PRELID3A: variants seen among roughly 807,000 people sequenced by gnomAD.
The protein encoded by PRELID3A is PRELI domain containing 3A, also known as PRELI domain containing protein 3A.
In PRELID3A, 27 loss-of-function variants were observed where a neutral mutation model predicts 23.0. The ratio of observed to expected loss-of-function variants is 1.17; its 90% CI spans 0.87 to 1.62. The LOEUF is 1.62. PRELID3A is among the 40% of genes most tolerant of loss of function. The pLI, the probability that PRELID3A is intolerant of heterozygous loss-of-function variation, is 0.00. For synonymous variants in PRELID3A, 87 were observed against 86.4 expected (o/e 1.01, Z -0.04); for missense variants, 231 against 231.4 (o/e 1.00, Z 0.01).
chr18:12,427,428 G>T (rs927569791), intron 5 of PRELID3A, 105 bp downstream of exon 5: 28 of 910,288 alleles, frequency 3.1e-5, no homozygotes, highest in Non-Finnish European at 4.8e-5. Context: ...TGGGCATGGT[G>T]GCTCATGTCT....
At chr18:12,416,685 G>A (rs1198612644) in intron 1 of PRELID3A, among the ~76,000 whole-genome samples, 3 of 140,826 alleles carry the variant, frequency 2.1e-5, no homozygotes, top group African/African-American at 5.3e-5. Flanking sequence ...TCACTCTGTT[G>A]CCCAGGGTGG....
Position 12,427,069 on chromosome 18 carries a change from A to T in PRELID3A, c.320A>T (p.Asn107Ile). The T allele has an allele frequency of 6.2e-7, 1 of 1,613,486 alleles. No homozygotes were observed. Among genetic ancestry groups the T allele is most frequent in the Non-Finnish European group, 8.5e-7 (1 of 1,179,386 alleles). ...ACACTCACAAATTTGGTGTCAGTTA[A>T]TGAGAGGTTGGTGTACACACCTCAT... is the stretch of plus-strand genomic sequence containing the variant. ...NITLTNLVSV[N>I]ERLVYTPHPE... Residue 107 changes from asparagine to isoleucine, a missense_variant, in exon 4 of 7, where the codon AAT (asparagine) becomes ATT (isoleucine). Physicochemically the swap from Asn to Ile is moderately radical, Grantham distance 149. Coordinates refer to ENST00000440960, the MANE Select transcript of PRELID3A (RefSeq NM_001142405.2).
Position 12,418,070 on chromosome 18 carries a change from GGTAAA to G in PRELID3A, c.33-2249_33-2245del, listed in dbSNP as rs1173316704. 2.0e-5 allele frequency among the ~76,000 whole-genome samples: 3 copies of G among 152,050 alleles called. No individual in the cohort carries two copies. The East Asian group carries it at 5.8e-4, about 29-fold the overall frequency. On this transcript the variant is annotated intron_variant, in intron 1 of 6. Transcript: ENST00000440960. Reference sequence around the variant, plus strand: ...ACCTAGGACAAGAGTGTTTGATGAGGGTAAAGTAAATTACTGATCACTCTGTTATA... The same window carrying G: ...ACCTAGGACAAGAGTGTTTGATGAGGGTAAATTACTGATCACTCTGTTATA...
Position 12,431,331 on chromosome 18 carries a change from A to C in PRELID3A, c.*215A>C, listed in dbSNP as rs902037504. 6 of 152,438 alleles carry C rather than the reference A, an allele frequency of 3.9e-5. No homozygotes were observed. Among genetic ancestry groups the C allele is most frequent in the Admixed American group, 6.5e-5 (1 of 15,270 alleles). The allele number at this position is 152,438 out of a possible 1,614,324, so 9.4% of individuals were successfully genotyped here. On this transcript the variant is annotated 3_prime_UTR_variant, in exon 7 of 7. Transcript: ENST00000440960. ...CCCTCATGAGCGTGCAACAGGGAGC[A>C]GCCCCAGCCAGCCCCACCGCCGCCG...
chr18:12,429,565 T>C, intron 6 of PRELID3A, 129 bp downstream of exon 6: 1 of 585,536 alleles, frequency 1.7e-6, no homozygotes, highest in Admixed American at 3.0e-5. Flanking sequence ...AGCTCCTTAG[T>C]TTTCCACGGT....
rs1462797411 is a variant in PRELID3A, at chr18:12,420,379, G to GAACCCGATT, written c.94_95insTTAACCCGA (p.Pro31_Ser32insIleAsnPro). The GAACCCGATT allele has an allele frequency of 6.2e-6, 10 of 1,611,170 alleles. No individual in the cohort carries two copies. Among genetic ancestry groups the GAACCCGATT allele is most frequent in the Non-Finnish European group, 8.5e-6 (10 of 1,179,268 alleles). Reference sequence around the variant, plus strand: ...CCATGCGCAAGTACCCGAACCCGATGAACCCGAGCGTGCTGGGCGTGGATG... The same window carrying GAACCCGATT: ...CCATGCGCAAGTACCCGAACCCGATGAACCCGATTAACCCGAGCGTGCTGGGCGTGGATG... On this transcript the variant is annotated inframe_insertion, in exon 2 of 7. Coordinates refer to ENST00000440960, the MANE Select transcript of PRELID3A (RefSeq NM_001142405.2).
At chr18:12,408,813 C>T (rs1909813077) in intron 1 of PRELID3A, among the ~76,000 whole-genome samples, 1 of 152,168 alleles carries the variant, frequency 6.6e-6, no homozygotes, top group Non-Finnish European at 1.5e-5. Context: ...AAGACACCTT[C>T]CCGGGTAATG....
intron 5 of PRELID3A, among the ~76,000 whole-genome samples, chr18:12,429,107 G>T (rs1199464487): frequency 1.3e-5 from 2 of 152,176 alleles, no homozygotes; most frequent in Non-Finnish European, 2.9e-5. Flanking sequence ...AGGACTTGCT[G>T]TATTGAGCTA....
intron 5 of PRELID3A, among the ~76,000 whole-genome samples, chr18:12,428,954 G>A (rs1341230915): frequency 1.3e-5 from 2 of 152,170 alleles, no homozygotes; most frequent in African/African-American, 4.8e-5. Flanking sequence ...TCACTAAGGT[G>A]GGGAGAGGTG....
Position 12,407,940 on chromosome 18 carries a change from C to T in PRELID3A, c.-36C>T, listed in dbSNP as rs533904456. The T allele has an allele frequency of 1.5e-4, 191 of 1,289,420 alleles. 5 individuals carry two copies. In the East Asian group the frequency reaches 2.2e-3, roughly 15 times the overall value. The allele number at this position is 1,289,420 out of a possible 1,614,324, so 79.9% of individuals were successfully genotyped here. On this transcript the variant is annotated 5_prime_UTR_variant, in exon 1 of 7. Transcript: ENST00000440960. ...GAGCCGCGCGGCCCGAAGCACCCGG[C>T]CCGGATCGCAGAGCCCGCGCCCTGC...
At chr18:12,421,126 TG>T (rs1414660581) in intron 2 of PRELID3A, among the ~76,000 whole-genome samples, 4 of 152,074 alleles carry the variant, frequency 2.6e-5, no homozygotes, top group Non-Finnish European at 5.9e-5. Flanking sequence ...GTCCACACCC[TG>T]GCCTGGCGCA....
At chr18:12,416,773 G>A (rs2029970578) in intron 1 of PRELID3A, among the ~76,000 whole-genome samples, 1 of 151,716 alleles carries the variant, frequency 6.6e-6, no homozygotes, top group Non-Finnish European at 1.5e-5. Flanking sequence ...AGCCTCCCGA[G>A]TAGCTGGGAC....
At chr18:12,414,120 C>T (rs556775546) in intron 1 of PRELID3A, among the ~76,000 whole-genome samples, 4 of 152,068 alleles carry the variant, frequency 2.6e-5, no homozygotes, top group Admixed American at 1.3e-4. Context: ...GAACAAGTGC[C>T]GGCGCCCCCC....
At chr18:12,414,124 G>GC (rs759974155) in intron 1 of PRELID3A, among the ~76,000 whole-genome samples, 18 of 151,858 alleles carry the variant, frequency 1.2e-4, no homozygotes, top group Non-Finnish European at 2.2e-4. Context: ...AAGTGCCGGC[G>GC]CCCCCCAGAC....
chr18:12,428,370 C>G (rs2030445150), intron 5 of PRELID3A, among the ~76,000 whole-genome samples: 2 of 152,200 alleles, frequency 1.3e-5, no homozygotes, highest in Admixed American at 1.3e-4. Flanking sequence ...TCACCTGGGC[C>G]CGCCTCACAG....
rs774121052 is a variant in PRELID3A, at chr18:12,427,001, G to A, written c.292-40G>A. The stretch of plus-strand genomic sequence containing the variant: ...ATGGGCAGTTGGCTTCAGAAGAAAT[G>A]CAAGAGAAATACAATCTAAACCTTT... On this transcript the variant is annotated intron_variant, in intron 3 of 6. Transcript: ENST00000440960. The A allele has an allele frequency of 1.8e-5, 27 of 1,488,510 alleles. No individual in the cohort carries two copies. In the South Asian group the frequency reaches 3.1e-4, roughly 17 times the overall value. 92.2% of individuals were successfully genotyped at this position (1,488,510 alleles called of 1,614,324 possible). A position where few individuals can be genotyped will look rare whatever the true frequency, so the allele number is the denominator to read the frequency against.
At chr18:12,414,136 C>T (rs532054955) in intron 1 of PRELID3A, among the ~76,000 whole-genome samples, 66 of 152,178 alleles carry the variant, frequency 4.3e-4, no homozygotes, top group Admixed American at 7.9e-4. Context: ...CCCCCAGACA[C>T]CCCAGAGTCG....
intron 1 of PRELID3A, among the ~76,000 whole-genome samples, chr18:12,409,958 C>T (rs1377754467): frequency 6.6e-6 from 1 of 152,152 alleles, no homozygotes; most frequent in Non-Finnish European, 1.5e-5. Context: ...ACACTTCTGT[C>T]CTCCTGCAGA....
chr18:12,421,114 C>A (rs951331372), intron 2 of PRELID3A, among the ~76,000 whole-genome samples: 2 of 152,112 alleles, frequency 1.3e-5, no homozygotes, highest in Admixed American at 6.5e-5. Context: ...CCTCCACCTG[C>A]AGTCCACACC....
Sources: allele counts gnomAD v4.1 joint callset (sites outside exome capture counted in the v4.1 genomes callset), GRCh38; gene constraint gnomAD v4.1.1; transcripts MANE v1.5; gene names NCBI Gene and HGNC (gene_info 2026-07-23, HGNC 2026-07-21).